Variants in ANKH observed in about 807,000 individuals in gnomAD.
The protein encoded by ANKH is ANKH inorganic pyrophosphate transport regulator.
Under a neutral mutation model 49.0 loss-of-function variants are expected in ANKH, and 15 were observed. The ratio of observed to expected loss-of-function variants is 0.31; its 90% CI spans 0.20 to 0.47. The LOEUF (loss-of-function observed/expected upper bound fraction) is 0.47, where lower values mean the gene tolerates loss of function less well. ANKH is among the 20% of genes least tolerant of loss of function. The pLI, the probability that ANKH is intolerant of heterozygous loss-of-function variation, is 1.00. For synonymous variants in ANKH, 273 were observed against 260.0 expected, an observed-to-expected ratio of 1.05 and a Z score of -0.48; for missense variants, 429 against 652.0, an observed-to-expected ratio of 0.66 and a Z score of 3.72.
intron 6 of ANKH, 138 bp downstream of exon 6, chr5:14,749,034 T>C: frequency 7.9e-7 from 1 of 1,257,940 alleles, no homozygotes; most frequent in East Asian, 2.4e-5. Context: ...GAGATCTTTA[T>C]GGCTTCCTAG....
chr5:14,809,010 A>AATGAT (rs1408113227), intron 1 of ANKH, among the ~76,000 whole-genome samples: 1 of 111,396 alleles, frequency 9.0e-6, no homozygotes, highest in African/African-American at 3.5e-5. Context: ...AGCCATAAAA[A>AATGAT]ATGATGAGTT....
intron 1 of ANKH, among the ~76,000 whole-genome samples, chr5:14,808,539 T>C (rs891881219): frequency 3.9e-5 from 6 of 152,262 alleles, no homozygotes; most frequent in Middle Eastern, 3.4e-3. Flanking sequence ...CTGAGGCAGG[T>C]GGATCACTTG....
chr5:14,826,980 A>G (rs897357306), intron 1 of ANKH, among the ~76,000 whole-genome samples: 1 of 152,156 alleles, frequency 6.6e-6, no homozygotes, highest in Non-Finnish European at 1.5e-5. Context: ...TCTGGTCTCC[A>G]AAAACTCCTG....
chr5:14,760,067 T>C (rs1580047181), intron 2 of ANKH, among the ~76,000 whole-genome samples: 1 of 151,088 alleles, frequency 6.6e-6, no homozygotes, highest in Non-Finnish European at 1.5e-5. Context: ...TCGGGGAGAG[T>C]GCAGGAGGAA....
chr5:14,720,552 C>G (rs1737626724), intron 8 of ANKH, among the ~76,000 whole-genome samples: 2 of 152,192 alleles, frequency 1.3e-5, no homozygotes, highest in South Asian at 4.1e-4. Context: ...CTGCTTCCAG[C>G]TTTGCTTTAT....
intron 1 of ANKH, among the ~76,000 whole-genome samples, chr5:14,854,956 C>G (rs998938059): frequency 9.2e-5 from 14 of 152,140 alleles, no homozygotes; most frequent in Non-Finnish European, 1.8e-4. Context: ...GCACACCACA[C>G]CCTACTAAGA....
rs1412743119 is a variant in ANKH, at chr5:14,710,711, G to A, written c.*486C>T. 2.2e-5 allele frequency: 4 copies of A among 179,206 alleles called. No individual in the cohort carries two copies. The highest frequency in any genetic ancestry group is 7.1e-5 in the African/African-American group (3 of 42,008). The allele number at this position is 179,206 out of a possible 1,614,324, so 11.1% of individuals were successfully genotyped here. On this transcript the variant is annotated 3_prime_UTR_variant, in exon 12 of 12. Coordinates refer to ENST00000284268, the MANE Select transcript of ANKH (RefSeq NM_054027.6). The stretch of plus-strand genomic sequence containing the variant: ...CGGAAGGGAAATTTAAGAGGCCACC[G>A]GGGCTCCATCTCTTTGTACGGCCAT...
intron 1 of ANKH, chr5:14,797,833 T>C: frequency 6.2e-7 from 1 of 1,610,454 alleles, no homozygotes; most frequent in South Asian, 1.1e-5. Flanking sequence ...AAGTGCCCAC[T>C]GAGATTTAGG....
intron 1 of ANKH, among the ~76,000 whole-genome samples, chr5:14,782,805 C>A (rs1158058798): frequency 2.0e-5 from 3 of 152,056 alleles, no homozygotes; most frequent in Non-Finnish European, 4.4e-5. Flanking sequence ...GAGTTTGAAA[C>A]CTGTAAATCC....
intron 2 of ANKH, among the ~76,000 whole-genome samples, chr5:14,761,700 C>T (rs748170671): frequency 1.3e-5 from 2 of 148,408 alleles, no homozygotes; most frequent in South Asian, 2.2e-4. Flanking sequence ...TACCCTATAC[C>T]GTAAATCAAT....
intron 1 of ANKH, among the ~76,000 whole-genome samples, chr5:14,776,524 G>A (rs887476607): frequency 6.6e-6 from 1 of 152,218 alleles, no homozygotes; most frequent in African/African-American, 2.4e-5. Context: ...CATGAAGGAT[G>A]TGGCGAGCCT....
rs1735826671 is a variant in ANKH, at chr5:14,871,526, AC to A, written c.-80del. 3.8e-6 allele frequency: 4 copies of A among 1,064,824 alleles called. No individual in the cohort carries two copies. Among genetic ancestry groups the A allele is most frequent in the Non-Finnish European group, 5.2e-6 (4 of 762,992 alleles). 66.0% of individuals were successfully genotyped at this position (1,064,824 alleles called of 1,614,324 possible). A position where few individuals can be genotyped will look rare whatever the true frequency, so the allele number is the denominator to read the frequency against. Reference sequence around the variant, plus strand: ...CGGGGAGGCGAGGGGCGACGGGGCGACGGGGCGAGCGGGGCGCGGGCCGACA... The same window carrying A: ...CGGGGAGGCGAGGGGCGACGGGGCGAGGGGCGAGCGGGGCGCGGGCCGACA... On this transcript the variant is annotated 5_prime_UTR_variant, in exon 1 of 12. Transcript: ENST00000284268.
chr5:14,861,261 G>A (rs1309849133), intron 1 of ANKH, among the ~76,000 whole-genome samples: 1 of 152,100 alleles, frequency 6.6e-6, no homozygotes, highest in East Asian at 1.9e-4. Context: ...CACAGAATAA[G>A]CCACCTTTCC....
intron 2 of ANKH, among the ~76,000 whole-genome samples, chr5:14,760,613 G>C (rs1464103739): frequency 2.6e-5 from 4 of 152,192 alleles, no homozygotes; most frequent in Non-Finnish European, 5.9e-5. Flanking sequence ...AGACCATCCT[G>C]ACCTTGCCCA....
intron 3 of ANKH, among the ~76,000 whole-genome samples, chr5:14,757,432 T>TATATATA (rs1320876753): frequency 0.01 from 1,089 of 108,272 alleles, 12 homozygotes; most frequent in African/African-American, 0.032. Context: ...ATATATATAT[T>TATATATA]TTTTTTTTTT....
intron 1 of ANKH, among the ~76,000 whole-genome samples, chr5:14,808,540 G>A (rs376474439): frequency 2.0e-5 from 3 of 152,292 alleles, no homozygotes; most frequent in African/African-American, 7.2e-5. Context: ...TGAGGCAGGT[G>A]GATCACTTGA....
At chr5:14,783,333 A>C (rs1429575229) in intron 1 of ANKH, among the ~76,000 whole-genome samples, 7 of 132,844 alleles carry the variant, frequency 5.3e-5, no homozygotes, top group African/African-American at 1.6e-4. Flanking sequence ...CACACACACC[A>C]CACATGGAGA....
At chr5:14,722,542 G>C (rs181274979) in intron 8 of ANKH, among the ~76,000 whole-genome samples, 43 of 152,262 alleles carry the variant, frequency 2.8e-4, no homozygotes, top group Admixed American at 1.4e-3. Context: ...TAAAAGAATG[G>C]GAACACGGCA....
Position 14,760,958 on chromosome 5 carries a change from A to G in ANKH, c.314-2360T>C, listed in dbSNP as rs558231832. On this transcript the variant is annotated intron_variant, in intron 2 of 11. Transcript: ENST00000284268. ...ATCTAGCCATAAGGTCACTGCAGAT[A>G]TAACTGGTTAAGATGAGGTCATACT... Among the ~76,000 whole-genome samples the G allele has an allele frequency of 3.9e-5, 6 of 152,316 alleles. No individual in the cohort carries two copies. In the South Asian group the frequency reaches 1.2e-3, roughly 32 times the overall value.
Sources: gnomAD v4.1 joint callset for allele counts (sites outside exome capture counted in the v4.1 genomes callset) on GRCh38, gnomAD v4.1.1 for gene constraint, MANE v1.5 for transcripts, NCBI Gene and HGNC (gene_info 2026-07-23, HGNC 2026-07-21) for gene names.